TNFSF4: variants seen among roughly 807,000 people sequenced by gnomAD.
TNFSF4 encodes TNF superfamily member 4.
In TNFSF4, 4 loss-of-function variants were observed where a neutral mutation model predicts 7.3. The ratio of observed to expected loss-of-function variants is 0.55; its 90% CI spans 0.27 to 1.25. TNFSF4 has a LOEUF of 1.25. Among genes scored for constraint, TNFSF4 ranks in the 50% most tolerant of loss-of-function variants. The pLI, the probability that TNFSF4 is intolerant of heterozygous loss-of-function variation, is 0.12. For missense variants in TNFSF4, 181 were observed against 208.8 expected, an observed-to-expected ratio of 0.87 and a Z score of 0.82; for synonymous variants, 76 against 83.7, an observed-to-expected ratio of 0.91 and a Z score of 0.50.
the TNFSF4 span, among the ~76,000 whole-genome samples, chr1:173,360,254 G>T: frequency 6.6e-6 from 1 of 152,196 alleles, no homozygotes; most frequent in East Asian, 1.9e-4. Flanking sequence ...TTTCTCTGAA[G>T]TCTCCTGGCT....
At chr1:173,313,683 AGACTATC>A in the TNFSF4 span, among the ~76,000 whole-genome samples, 3 of 152,084 alleles carry the variant, frequency 2.0e-5, no homozygotes, top group Non-Finnish European at 4.4e-5. Context: ...ATATTTTTAT[AGACTATC>A]GATAGTTCTC....
chr1:173,267,852 AGAG>A, the TNFSF4 span, among the ~76,000 whole-genome samples: 4 of 151,688 alleles, frequency 2.6e-5, no homozygotes, highest in Admixed American at 1.3e-4. Context: ...AGAGCAGAGG[AGAG>A]GAGAAGTGAG....
chr1:173,325,153 T>A, the TNFSF4 span, among the ~76,000 whole-genome samples: 3 of 152,142 alleles, frequency 2.0e-5, no homozygotes, highest in East Asian at 5.8e-4. Flanking sequence ...ACAGAAATTA[T>A]AACAAACTAT....
At chr1:173,275,864 A>G in the TNFSF4 span, among the ~76,000 whole-genome samples, 1 of 152,292 alleles carries the variant, frequency 6.6e-6, no homozygotes, top group Non-Finnish European at 1.5e-5. Flanking sequence ...ATGTATCATA[A>G]TAACAGCTAA....
the TNFSF4 span, among the ~76,000 whole-genome samples, chr1:173,407,505 A>G: frequency 1.4e-5 from 2 of 141,610 alleles, no homozygotes; most frequent in Non-Finnish European, 3.0e-5. Context: ...GGTTGCAATG[A>G]GCTGAGATCA....
At chr1:173,249,449 A>G in the TNFSF4 span, among the ~76,000 whole-genome samples, 8 of 152,326 alleles carry the variant, frequency 5.3e-5, no homozygotes, top group African/African-American at 1.9e-4. Context: ...AGGGAAAGCT[A>G]TACTCTTAGT....
At chr1:173,231,548 C>G in the TNFSF4 span, among the ~76,000 whole-genome samples, 3 of 152,144 alleles carry the variant, frequency 2.0e-5, no homozygotes, top group Non-Finnish European at 4.4e-5. Context: ...GACAGGGATG[C>G]CCTCTCTCAC....
At chr1:173,270,883 A>G in the TNFSF4 span, among the ~76,000 whole-genome samples, 1 of 152,192 alleles carries the variant, frequency 6.6e-6, no homozygotes, top group Non-Finnish European at 1.5e-5. Context: ...TCAGAAATAC[A>G]TACCAATGGA....
At chr1:173,218,617 TCCCTACTTCTAA>T in the TNFSF4 span, among the ~76,000 whole-genome samples, 2 of 151,372 alleles carry the variant, frequency 1.3e-5, no homozygotes, top group Non-Finnish European at 2.9e-5. Flanking sequence ...AAAAAAAAAT[TCCCTACTTCTAA>T]CCCTTACATT....
chr1:173,342,072 G>T, the TNFSF4 span, among the ~76,000 whole-genome samples: 2 of 152,146 alleles, frequency 1.3e-5, no homozygotes, highest in East Asian at 1.9e-4. Flanking sequence ...AAGGGCATTT[G>T]GTTGCCAACA....
the TNFSF4 span, among the ~76,000 whole-genome samples, chr1:173,280,137 T>C: frequency 6.6e-6 from 1 of 152,086 alleles, no homozygotes; most frequent in Non-Finnish European, 1.5e-5. Context: ...TTTAAACTAG[T>C]GATGTCCTCC....
the TNFSF4 span, among the ~76,000 whole-genome samples, chr1:173,342,885 T>G: frequency 6.6e-6 from 1 of 152,172 alleles, no homozygotes; most frequent in African/African-American, 2.4e-5. Context: ...AGCAACATTA[T>G]CTAGAAGGGA....
At chr1:173,335,740 C>T in the TNFSF4 span, among the ~76,000 whole-genome samples, 1 of 152,160 alleles carries the variant, frequency 6.6e-6, no homozygotes, top group Admixed American at 6.5e-5. Context: ...ATCACAATTC[C>T]TTCAATTAAG....
At chr1:173,323,109 C>G in the TNFSF4 span, among the ~76,000 whole-genome samples, 1 of 152,124 alleles carries the variant, frequency 6.6e-6, no homozygotes, top group Non-Finnish European at 1.5e-5. Flanking sequence ...CCCTGACCCC[C>G]GAGTAGCCTA....
the TNFSF4 span, among the ~76,000 whole-genome samples, chr1:173,369,169 G>C: frequency 6.6e-6 from 1 of 152,218 alleles, no homozygotes; most frequent in Admixed American, 6.5e-5. Flanking sequence ...AGGACAAAAG[G>C]CATCACTCTT....
chr1:173,448,529 T>C, the TNFSF4 span, among the ~76,000 whole-genome samples: 1 of 151,968 alleles, frequency 6.6e-6, no homozygotes, highest in East Asian at 1.9e-4. Context: ...AGAAGGGAGA[T>C]AGGGGTGGGG....
At chr1:173,352,681 C>A in the TNFSF4 span, among the ~76,000 whole-genome samples, 29 of 152,234 alleles carry the variant, frequency 1.9e-4, no homozygotes, top group East Asian at 2.1e-3. Flanking sequence ...GTTCCATGTC[C>A]CACTGTGCAC....
chr1:173,222,922 C>T, the TNFSF4 span, among the ~76,000 whole-genome samples: 4 of 152,318 alleles, frequency 2.6e-5, no homozygotes, highest in Non-Finnish European at 5.9e-5. Flanking sequence ...TTACCCCAGA[C>T]AAAGGCCCAT....
chr1:173,258,139 T>G, the TNFSF4 span, among the ~76,000 whole-genome samples: 1 of 152,006 alleles, frequency 6.6e-6, no homozygotes, highest in Non-Finnish European at 1.5e-5. Flanking sequence ...TCCAGCAGAC[T>G]TCTAGCAGGC....
Sources: gnomAD v4.1 joint callset for allele counts (sites outside exome capture counted in the v4.1 genomes callset) on GRCh38, gnomAD v4.1.1 for gene constraint, MANE v1.5 for transcripts, NCBI Gene and HGNC (gene_info 2026-07-23, HGNC 2026-07-21) for gene names.